OTUD5: variants seen among roughly 807,000 people sequenced by gnomAD.
OTUD5 encodes the protein OTU domain-containing protein 5.
A neutral mutation model predicts 36.3 loss-of-function variants in OTUD5; 2 were observed. The ratio of observed to expected loss-of-function variants is 0.06; its 90% CI spans 0.02 to 0.17. OTUD5 has a LOEUF of 0.17. Ranked by LOEUF, OTUD5 falls within the 10% of genes least tolerant of loss-of-function variation. The pLI is 1.00. For synonymous variants in OTUD5, 234 were observed against 214.9 expected (o/e 1.09, Z -0.78); for missense variants, 233 against 512.3 (o/e 0.45, Z 5.26).
intron 1 of OTUD5, among the ~76,000 whole-genome samples, chrX:48,954,939 T>C (rs1322102805): frequency 9.0e-6 from 1 of 111,680 alleles, no homozygotes; most frequent in Admixed American, 9.5e-5. Flanking sequence ...AAGGGGTTCA[T>C]ATGACCCTGA....
intron 1 of OTUD5, among the ~76,000 whole-genome samples, chrX:48,951,516 G>A (rs1295690614): frequency 9.8e-5 from 11 of 111,883 alleles, no homozygotes; most frequent in African/African-American, 2.0e-4. Flanking sequence ...TCGGGAGGCT[G>A]AGGCAGGAGA....
chrX:48,945,609 C>T (rs2064014065), intron 1 of OTUD5, among the ~76,000 whole-genome samples: 1 of 110,588 alleles, frequency 9.0e-6, no homozygotes, highest in Non-Finnish European at 1.9e-5. Flanking sequence ...CATAACCTGA[C>T]CAGAACTGAC....
intron 1 of OTUD5, 48 bp downstream of exon 1, chrX:48,956,927 TGG>T: frequency 1.8e-6 from 2 of 1,084,106 alleles, no homozygotes; most frequent in Non-Finnish European, 2.4e-6. Context: ...CTTCACAGTC[TGG>T]GGGTCCCATC....
At chrX:48,957,951 G>T, upstream of OTUD5, 3 of 433,701 alleles carry the variant, frequency 6.9e-6, no homozygotes, top group Non-Finnish European at 8.7e-6. Context: ...GCACTACCGG[G>T]TGGGGCCCCG....
At chrX:48,946,415 G>C (rs1367641892) in intron 1 of OTUD5, among the ~76,000 whole-genome samples, 1 of 111,526 alleles carries the variant, frequency 9.0e-6, no homozygotes, top group Admixed American at 9.5e-5. Flanking sequence ...ACAACTGAGA[G>C]ACCCTCAGAA....
At chrX:48,951,614 C>CA (rs1193258867) in intron 1 of OTUD5, among the ~76,000 whole-genome samples, 22 of 105,202 alleles carry the variant, frequency 2.1e-4, no homozygotes, top group East Asian at 6.1e-4. Flanking sequence ...GACTCCATCT[C>CA]AAAAAAAAAC....
chrX:48,951,019 C>T (rs1281663739), intron 1 of OTUD5, among the ~76,000 whole-genome samples: 3 of 110,289 alleles, frequency 2.7e-5, no homozygotes, highest in African/African-American at 9.9e-5. Context: ...GCAAGGTCCA[C>T]CTGCCTACCA....
At chrX:48,951,429 A>G (rs1557053866) in intron 1 of OTUD5, among the ~76,000 whole-genome samples, 7 of 111,445 alleles carry the variant, frequency 6.3e-5, no homozygotes, top group African/African-American at 2.3e-4. Flanking sequence ...CCTGGCTAAC[A>G]CAGTGAATCC....
intron 2 of OTUD5, chrX:48,940,644 G>A (rs369920733): frequency 8.9e-6 from 1 of 112,146 alleles, no homozygotes. Flanking sequence ...CCTGGTCAGG[G>A]TTAGAGGTTT....
chrX:48,949,273 C>T (rs1289919579), intron 1 of OTUD5, among the ~76,000 whole-genome samples: 4 of 112,089 alleles, frequency 3.6e-5, no homozygotes, highest in South Asian at 7.3e-4. Flanking sequence ...TAGGGCCAGG[C>T]GTCGTGGCTC....
chrX:48,926,647 C>T (rs1282704034), intron 5 of OTUD5, among the ~76,000 whole-genome samples: 1 of 112,298 alleles, frequency 8.9e-6, no homozygotes, highest in African/African-American at 3.2e-5. Flanking sequence ...GCCACTGCAC[C>T]TGGCCCTGGG....
rs782772133 is a variant in OTUD5 at position 48,957,592 on chromosome X, C to G, written c.-22G>C. The G allele has an allele frequency of 8.4e-6, 7 of 833,541 alleles. No homozygotes were observed. The highest frequency in any genetic ancestry group is 1.4e-4 in the East Asian group (2 of 13,808). The allele number at this position is 833,541 out of a possible 1,213,427, so 68.7% of individuals were successfully genotyped here. On this transcript the variant is annotated 5_prime_UTR_variant, in exon 1 of 9. Coordinates refer to ENST00000376488, the MANE Select transcript of OTUD5 (RefSeq NM_001136157.2). ...TCATGGCTGCACTGCCGAGTACCCC[C>G]CAACAAACCCGGCGCGGGGCACGCC...
At chrX:48,933,349 G>T (rs782512071) in intron 5 of OTUD5, among the ~76,000 whole-genome samples, 1 of 111,119 alleles carries the variant, frequency 9.0e-6, no homozygotes, top group South Asian at 3.7e-4. Flanking sequence ...CATTAACTAT[G>T]ACAAATGTAC....
In OTUD5 at chrX:48,934,791, T is replaced by C; in HGVS notation, c.830A>G (p.Asn277Ser). The C allele has an allele frequency of 8.3e-7, 1 of 1,210,457 alleles. No individual in the cohort carries two copies. The highest frequency in any genetic ancestry group is 1.8e-5 in the South Asian group (1 of 56,971). Residue 277 changes from asparagine to serine, a missense_variant, in exon 4 of 9, where the codon AAT becomes AGT. By Grantham distance (46) the Asn-to-Ser change is conservative. This residue lies in a region of OTUD5 where 21 missense variants were observed against 161.9 expected (regional missense o/e 0.13). Transcript: ENST00000376488. Reference protein sequence around the residue: ...TTYINRKRKNNCHGNHIEMQA... With the variant: ...TTYINRKRKNSCHGNHIEMQA... Reference sequence around the variant, plus strand: ...CATCTCAATGTGGTTGCCATGGCAATTGTTTTTCCGCTTCCTGTTAATGTA... The same window carrying C: ...CATCTCAATGTGGTTGCCATGGCAACTGTTTTTCCGCTTCCTGTTAATGTA...
At chrX:48,926,884 A>G (rs2063675178) in intron 5 of OTUD5, among the ~76,000 whole-genome samples, 1 of 111,406 alleles carries the variant, frequency 9.0e-6, no homozygotes, top group Non-Finnish European at 1.9e-5. Flanking sequence ...ACATCAGAGT[A>G]CTGTTTTTCA....
At chrX:48,957,761 G>T, upstream of OTUD5, 2 of 791,544 alleles carry the variant, frequency 2.5e-6, no homozygotes, top group Non-Finnish European at 3.0e-6. Context: ...GTGGCGGCGC[G>T]CGGGTCACGC....
At chrX:48,934,417 C>A in intron 5 of OTUD5, 47 bp downstream of exon 5, 1 of 1,134,695 alleles carries the variant, frequency 8.8e-7, no homozygotes. Flanking sequence ...ACAGAGGTTT[C>A]TGACCTCTAT....
At chrX:48,946,472 G>A (rs1248842844) in intron 1 of OTUD5, among the ~76,000 whole-genome samples, 11 of 111,656 alleles carry the variant, frequency 9.9e-5, no homozygotes, top group Non-Finnish European at 2.1e-4. Flanking sequence ...AGGTGACAAG[G>A]GAATACCCAG....
intron 2 of OTUD5, among the ~76,000 whole-genome samples, chrX:48,935,431 C>T (rs2063814203): frequency 9.0e-6 from 1 of 110,887 alleles, no homozygotes; most frequent in Non-Finnish European, 1.9e-5. Flanking sequence ...AAGAGTCAGT[C>T]TGTGACAGAG....
Sources: gnomAD v4.1 joint callset for allele counts (sites outside exome capture counted in the v4.1 genomes callset) on GRCh38, gnomAD v4.1.1 for gene constraint, gnomAD v4.1.1 regional missense constraint, MANE v1.5 for transcripts, NCBI Gene and HGNC (gene_info 2026-07-23, HGNC 2026-07-21) for gene names.